The following PRKAB2 variants were observed in gnomAD, a reference collection of about 807,000 sequenced individuals.
PRKAB2 encodes the protein protein kinase AMP-activated non-catalytic subunit beta 2, also known as 5'-AMP-activated protein kinase subunit beta-2.
A neutral mutation model predicts 29.8 loss-of-function variants in PRKAB2; 18 were observed. That is an observed-to-expected ratio of 0.60 (90% confidence interval 0.42 to 0.89). PRKAB2 has a LOEUF of 0.89. Among genes scored for constraint, PRKAB2 ranks in the 40% least tolerant of loss-of-function variants. The probability of loss-of-function intolerance (pLI) is 0.00; values close to 1 mark genes in which losing one functional copy is unlikely to be tolerated. For synonymous variants in PRKAB2, 136 were observed against 125.9 expected (o/e 1.08, Z -0.54); for missense variants, 270 against 344.3 (o/e 0.78, Z 1.71).
At chr1:147,163,061 TACA>T (rs1477605414) in intron 5 of PRKAB2, among the ~76,000 whole-genome samples, 1 of 143,994 alleles carries the variant, frequency 6.9e-6, no homozygotes, top group Non-Finnish European at 1.5e-5. Flanking sequence ...AGACTACCAA[TACA>T]ACAATGATTG....
At position 147,159,555 on chromosome 1, in the gene PRKAB2, A is replaced by C; in HGVS notation, c.*10T>G. ...TTCTCCTGAATCCTTAGAGGCAAGA[A>C]GGGATCCCTTCAAATGGGCTTGTAT... On this transcript the variant is annotated 3_prime_UTR_variant, in exon 8 of 8. Coordinates refer to ENST00000254101, the MANE Select transcript of PRKAB2 (RefSeq NM_005399.5). 1 of 1,608,934 alleles carries C rather than the reference A, an allele frequency of 6.2e-7. No homozygotes were observed. Among genetic ancestry groups the C allele is most frequent in the African/African-American group, 1.3e-5 (1 of 74,908 alleles).
At chr1:147,172,231 C>T in intron 1 of PRKAB2, 64 bp from the exon 2 acceptor site, 3 of 1,439,250 alleles carry the variant, frequency 2.1e-6, no homozygotes, top group Non-Finnish European at 2.7e-6. Context: ...CGCCCCCCGG[C>T]CCCGCCCCTG....
At chr1:147,168,230 A>G (rs1654348233) in intron 2 of PRKAB2, among the ~76,000 whole-genome samples, 1 of 152,096 alleles carries the variant, frequency 6.6e-6, no homozygotes, top group African/African-American at 2.4e-5. Flanking sequence ...AGAAAAAAAT[A>G]ACTCCCTACC....
At chr1:147,162,674 A>T in intron 5 of PRKAB2, 101 bp from the exon 6 acceptor site, 1 of 1,241,594 alleles carries the variant, frequency 8.1e-7, no homozygotes, top group Non-Finnish European at 1.1e-6. Context: ...ATATGGTAGA[A>T]GTCCTGGATC....
At chr1:147,165,569 T>G (rs1654201816) in intron 5 of PRKAB2, among the ~76,000 whole-genome samples, 1 of 152,194 alleles carries the variant, frequency 6.6e-6, no homozygotes, top group South Asian at 2.1e-4. Context: ...TGTGCACAAT[T>G]CTTTAGATAG....
intron 5 of PRKAB2, among the ~76,000 whole-genome samples, chr1:147,165,091 TCTC>T (rs1190804135): frequency 6.6e-6 from 1 of 152,102 alleles, no homozygotes; most frequent in Non-Finnish European, 1.5e-5. Context: ...AGTGGCGAGA[TCTC>T]AGCTCACTGC....
In PRKAB2 at chr1:147,167,910, T is replaced by C. The variant is rs782705772; in HGVS notation, c.180A>G (p.Val60=). 6.2e-7 allele frequency: 1 copy of C among 1,613,466 alleles called. No homozygotes were observed. The highest frequency in any genetic ancestry group is 8.5e-7 in the Non-Finnish European group (1 of 1,179,744). The change falls in exon 3 of 8, where the codon GTA becomes GTG. Residue 60 remains valine (V), a synonymous_variant. Coordinates refer to ENST00000254101, the MANE Select transcript of PRKAB2 (RefSeq NM_005399.5). ...DSKLPGDKEF[V]SWQQDLEDSV... Reference sequence around the variant, plus strand: ...AGTCCTCCAAATCCTGCTGCCATGATACAAACTCTTTGTCCCCAGGGAGCT... The same window carrying C: ...AGTCCTCCAAATCCTGCTGCCATGACACAAACTCTTTGTCCCCAGGGAGCT...
At chr1:147,170,575 G>GTTGGTTTTTTTGTTTT (rs1553914205) in intron 2 of PRKAB2, among the ~76,000 whole-genome samples, 1 of 151,826 alleles carries the variant, frequency 6.6e-6, no homozygotes, top group African/African-American at 2.4e-5. Flanking sequence ...TGTGATTATG[G>GTTGGTTTTTTTGTTTT]TTGGTTTTTT....
intron 5 of PRKAB2, among the ~76,000 whole-genome samples, chr1:147,163,165 T>TA (rs1284081172): frequency 6.6e-6 from 1 of 152,130 alleles, no homozygotes; most frequent in Non-Finnish European, 1.5e-5. Flanking sequence ...CTAGGACAGC[T>TA]AAAATCAAAC....
chr1:147,169,883 G>T (rs1474771766), intron 2 of PRKAB2, among the ~76,000 whole-genome samples: 3 of 152,184 alleles, frequency 2.0e-5, no homozygotes, highest in African/African-American at 7.2e-5. Context: ...ACTGAAAAAG[G>T]CAGGCATTCA....
At chr1:147,161,536 TGA>T in intron 7 of PRKAB2, 174 bp downstream of exon 7, 2 of 551,116 alleles carry the variant, frequency 3.6e-6, no homozygotes, top group Non-Finnish European at 6.3e-6. Context: ...ACACAGAGAC[TGA>T]GATTTTAAAA....
At chr1:147,161,822 G>T in intron 6 of PRKAB2, 42 bp from the exon 7 acceptor site, 1 of 1,486,694 alleles carries the variant, frequency 6.7e-7, no homozygotes, top group South Asian at 1.2e-5. Context: ...ATTACTAAAT[G>T]AAATTAATGC....
intron 2 of PRKAB2, among the ~76,000 whole-genome samples, chr1:147,170,718 T>C (rs1553914249): frequency 6.6e-6 from 1 of 152,144 alleles, no homozygotes; most frequent in East Asian, 1.9e-4. Context: ...TAGCTGGGAC[T>C]ACAGGCATGC....
intron 6 of PRKAB2, 36 bp downstream of exon 6, chr1:147,162,404 A>AC (rs1422504013): frequency 1.9e-6 from 3 of 1,586,116 alleles, no homozygotes; most frequent in Non-Finnish European, 2.6e-6. Context: ...GGTCCTAGAC[A>AC]CCCCCAGATG....
At chr1:147,166,972 AG>A in intron 3 of PRKAB2, 33 bp from the exon 4 acceptor site, 2 of 1,540,964 alleles carry the variant, frequency 1.3e-6, no homozygotes, top group Non-Finnish European at 9.0e-7. Flanking sequence ...AAACAGGCCA[AG>A]TTCCTTTTAG....
At chr1:147,169,208 A>G (rs1654397378) in intron 2 of PRKAB2, among the ~76,000 whole-genome samples, 2 of 152,172 alleles carry the variant, frequency 1.3e-5, no homozygotes, top group African/African-American at 2.4e-5. Flanking sequence ...GGACTAGCTT[A>G]TTCATTTGGG....
Position 147,159,543 on chromosome 1 carries a change from T to G in PRKAB2, c.*22A>C. 1 of 1,600,884 alleles carries G rather than the reference T, an allele frequency of 6.2e-7. No homozygotes were observed. Among genetic ancestry groups the G allele is most frequent in the Non-Finnish European group, 8.6e-7 (1 of 1,168,694 alleles). ...CAAGGGAGATGCTTCTCCTGAATCC[T>G]TAGAGGCAAGAAGGGATCCCTTCAA... On this transcript the variant is annotated 3_prime_UTR_variant, in exon 8 of 8. Coordinates refer to ENST00000254101, the MANE Select transcript of PRKAB2 (RefSeq NM_005399.5).
rs1653823923 is a variant in PRKAB2 at position 147,159,214 on chromosome 1, T to C, written c.*351A>G. ...CCACCCAACAAGGATCCTAAGAGTT[T>C]GCTGTTCTTTCATTTTAGGAAAAAT... On this transcript the variant is annotated 3_prime_UTR_variant, in exon 8 of 8. Transcript: ENST00000254101. The C allele has an allele frequency of 9.4e-6, 2 of 213,662 alleles. No individual in the cohort carries two copies. Among genetic ancestry groups the C allele is most frequent in the South Asian group, 2.2e-4 (2 of 9,094 alleles). The allele number at this position is 213,662 out of a possible 1,614,324, so 13.2% of individuals were successfully genotyped here.
intron 5 of PRKAB2, among the ~76,000 whole-genome samples, chr1:147,165,234 G>T (rs781911483): frequency 4.6e-5 from 7 of 152,122 alleles, no homozygotes; most frequent in Non-Finnish European, 8.8e-5. Context: ...CACCGTGTTA[G>T]CCAGGATGGT....
Sources: gnomAD v4.1 joint callset for allele counts (sites outside exome capture counted in the v4.1 genomes callset) on GRCh38, gnomAD v4.1.1 for gene constraint, MANE v1.5 for transcripts, NCBI Gene and HGNC (gene_info 2026-07-23, HGNC 2026-07-21) for gene names.